Variants in TMEM222 observed in about 807,000 individuals in gnomAD.
TMEM222 encodes chromosome 1 open reading frame 160.
A neutral mutation model predicts 25.1 loss-of-function variants in TMEM222; 18 were observed. The observed-to-expected ratio is 0.72, with a 90% CI of 0.50 to 1.06. The LOEUF is 1.06. TMEM222 is among the 50% of genes least tolerant of loss of function. The pLI, the probability that TMEM222 is intolerant of heterozygous loss-of-function variation, is 0.00. For missense variants in TMEM222, 296 were observed against 293.7 expected (o/e 1.01, Z -0.06); for synonymous variants, 131 against 117.9 (o/e 1.11, Z -0.72).
At chr1:27,330,642 A>T (rs924107999) in intron 1 of TMEM222, 78 bp from the exon 2 acceptor site, 1 of 1,213,682 alleles carries the variant, frequency 8.2e-7, no homozygotes, top group Non-Finnish European at 1.2e-6. Flanking sequence ...TCTGTACTGT[A>T]TGAAGGGTCC....
intron 5 of TMEM222, 136 bp from the exon 6 acceptor site, chr1:27,335,243 A>G: frequency 2.4e-6 from 2 of 823,944 alleles, no homozygotes; most frequent in Non-Finnish European, 4.0e-6. Flanking sequence ...TGATTGGCCA[A>G]GTTTGGGGTG....
intron 3 of TMEM222, chr1:27,333,639 C>T: frequency 2.4e-6 from 1 of 410,382 alleles, no homozygotes; most frequent in East Asian, 5.6e-5. Context: ...CACCCCATGG[C>T]CTAATCACCT....
Position 27,335,508 on chromosome 1 carries a change from A to G in TMEM222, c.*42A>G, listed in dbSNP as rs2014584496. The G allele has an allele frequency of 1.9e-6, 3 of 1,596,746 alleles. No individual in the cohort carries two copies. Among genetic ancestry groups the G allele is most frequent in the East Asian group, 4.5e-5 (2 of 44,796 alleles). On this transcript the variant is annotated 3_prime_UTR_variant, in exon 6 of 6. Transcript: ENST00000374076. Reference sequence around the variant, plus strand: ...CCACACCCACCAGGGTCCCGAGGAAACAGCCGCCATCCCTTTTGGTTCCAG... The same window carrying G: ...CCACACCCACCAGGGTCCCGAGGAAGCAGCCGCCATCCCTTTTGGTTCCAG...
Position 27,335,479 on chromosome 1 carries a change from G to C in TMEM222, c.*13G>C, listed in dbSNP as rs751617756. ...TAACCTCCGGTGATGGCTGCTCGGT[G>C]GCCCCACACCCACCAGGGTCCCGAG... On this transcript the variant is annotated 3_prime_UTR_variant, in exon 6 of 6. Transcript: ENST00000374076. 1 of 1,613,290 alleles carries C rather than the reference G, an allele frequency of 6.2e-7. No individual in the cohort carries two copies. The highest frequency in any genetic ancestry group is 8.5e-7 in the Non-Finnish European group (1 of 1,179,322).
Position 27,333,795 on chromosome 1 carries a change from TG to T in TMEM222, c.312-162del, listed in dbSNP as rs2148018616. ...CCCCATGGCACCAGCCACCTCACCC[TG>T]TGTCACAGTTGACTGCCACATAACA... On this transcript the variant is annotated intron_variant, in intron 3 of 5. Coordinates refer to ENST00000374076, the MANE Select transcript of TMEM222 (RefSeq NM_032125.3). 9.6e-6 allele frequency: 6 copies of T among 624,506 alleles called. No individual in the cohort carries two copies. In the South Asian group the frequency reaches 1.2e-4, roughly 12 times the overall value. The allele number at this position is 624,506 out of a possible 1,614,324, so 38.7% of individuals were successfully genotyped here.
chr1:27,327,557 T>G (rs146084435), intron 1 of TMEM222, among the ~76,000 whole-genome samples: 153 of 152,212 alleles, frequency 1.0e-3, no homozygotes, highest in African/African-American at 3.3e-3. Context: ...CCCATCTAAT[T>G]TTTGTATTTT....
chr1:27,327,412 AGAGTCTTGCTCT>A (rs1305612065), intron 1 of TMEM222, among the ~76,000 whole-genome samples: 3 of 152,146 alleles, frequency 2.0e-5, no homozygotes, highest in Non-Finnish European at 4.4e-5. Flanking sequence ...ATTTAGAGAC[AGAGTCTTGCTCT>A]GTCACCCAGG....
chr1:27,334,116 C>T (rs2014547954), intron 4 of TMEM222, 35 bp from the exon 5 acceptor site: 1 of 1,613,934 alleles, frequency 6.2e-7, no homozygotes, highest in Non-Finnish European at 8.5e-7. Context: ...GGCTCCCCTG[C>T]AGCCCATCCT....
intron 2 of TMEM222, among the ~76,000 whole-genome samples, chr1:27,331,658 G>A (rs2014481715): frequency 6.6e-6 from 1 of 152,246 alleles, no homozygotes; most frequent in African/African-American, 2.4e-5. Context: ...CGAGGAGATG[G>A]TCTCCATGTG....
chr1:27,335,252 T>C, intron 5 of TMEM222, 127 bp from the exon 6 acceptor site: 2 of 864,932 alleles, frequency 2.3e-6, no homozygotes, highest in Non-Finnish European at 3.7e-6. Context: ...AAGTTTGGGG[T>C]GAGGGGGTGG....
intron 2 of TMEM222, chr1:27,331,119 A>G (rs1443215415): frequency 8.2e-7 from 1 of 1,220,880 alleles, no homozygotes; most frequent in African/African-American, 1.6e-5. Context: ...CAGGAACCAC[A>G]TCTCTGGACC....
chr1:27,333,042 C>T (rs1475104929), intron 3 of TMEM222: 1 of 319,342 alleles, frequency 3.1e-6, no homozygotes, highest in East Asian at 7.7e-5. Flanking sequence ...TCTCACCCAC[C>T]TTGAGGTTTA....
At chr1:27,328,143 G>A (rs991736220) in intron 1 of TMEM222, among the ~76,000 whole-genome samples, 1 of 152,194 alleles carries the variant, frequency 6.6e-6, no homozygotes, top group African/African-American at 2.4e-5. Context: ...GGCTGTGCTG[G>A]AAGACACCGT....
At chr1:27,325,180 C>T (rs2014308774) in intron 1 of TMEM222, 2 of 382,126 alleles carry the variant, frequency 5.2e-6, no homozygotes, top group Non-Finnish European at 1.0e-5. Flanking sequence ...TGTCTACCCC[C>T]TCAGAGATGT....
intron 2 of TMEM222, chr1:27,331,164 G>C (rs888973806): frequency 6.2e-6 from 7 of 1,134,140 alleles, no homozygotes; most frequent in Non-Finnish European, 7.7e-6. Flanking sequence ...GGGGACACGG[G>C]AGGCTGATTC....
intron 1 of TMEM222, among the ~76,000 whole-genome samples, chr1:27,324,057 G>A (rs1314419343): frequency 6.6e-6 from 1 of 152,254 alleles, no homozygotes; most frequent in Non-Finnish European, 1.5e-5. Context: ...CGGGCGTGGT[G>A]GCTCAGGCCT....
chr1:27,328,477 C>G (rs1203119669), intron 1 of TMEM222, among the ~76,000 whole-genome samples: 1 of 152,184 alleles, frequency 6.6e-6, no homozygotes, highest in Non-Finnish European at 1.5e-5. Flanking sequence ...CACTCTGGCC[C>G]TACCATTGTC....
At chr1:27,322,473 A>G (rs1239419267) in intron 1 of TMEM222, 82 bp downstream of exon 1, 16 of 1,266,452 alleles carry the variant, frequency 1.3e-5, no homozygotes, top group African/African-American at 6.3e-5. Context: ...TCCGGCCCCA[A>G]CGCGCAGCAA....
chr1:27,335,065 A>G lies in TMEM222; in HGVS notation c.540-314A>G, dbSNP rs1571015371. The G allele has an allele frequency of 7.1e-6, 3 of 425,220 alleles. No homozygotes were observed. The East Asian group carries it at 1.4e-4, about 20-fold the overall frequency. 26.3% of individuals were successfully genotyped at this position (425,220 alleles called of 1,614,324 possible). ...TCCTGGTCCTCTTGCTGGAGACCCTAGAGGTAGGTGGCTATAGATGGAGCC... is the reference window on the plus strand; with the variant it reads ...TCCTGGTCCTCTTGCTGGAGACCCTGGAGGTAGGTGGCTATAGATGGAGCC... On this transcript the variant is annotated intron_variant, in intron 5 of 5. Coordinates refer to ENST00000374076, the MANE Select transcript of TMEM222 (RefSeq NM_032125.3).
Sources: gnomAD v4.1 joint callset for allele counts (sites outside exome capture counted in the v4.1 genomes callset) on GRCh38, gnomAD v4.1.1 for gene constraint, MANE v1.5 for transcripts, NCBI Gene and HGNC (gene_info 2026-07-23, HGNC 2026-07-21) for gene names.